Variants in ZNF267 observed in about 807,000 individuals in gnomAD.
The protein encoded by ZNF267 is zinc finger (C2H2).
A neutral mutation model predicts 71.6 loss-of-function variants in ZNF267; 61 were observed. That is an observed-to-expected ratio of 0.85 (90% CI 0.69 to 1.05). ZNF267 has a LOEUF of 1.05. Among genes scored for constraint, ZNF267 ranks in the 50% least tolerant of loss-of-function variants. The pLI, the probability that ZNF267 is intolerant of heterozygous loss-of-function variation, is 0.00. For missense variants in ZNF267, 852 were observed against 870.0 expected (o/e 0.98, Z 0.26); for synonymous variants, 288 against 293.2 (o/e 0.98, Z 0.18).
chr16:31,892,190 A>G (rs151001097), intron 3 of ZNF267, among the ~76,000 whole-genome samples: 1 of 152,260 alleles, frequency 6.6e-6, no homozygotes, highest in East Asian at 1.9e-4. Flanking sequence ...GGCGAGGAGG[A>G]GCAAGTCACA....
In ZNF267 at chr16:31,900,052, CTG is replaced by C. The variant is rs780255411; in HGVS notation, c.227-14416_227-14415del. ...GTGTTTATTTATATATATATATAAA[CTG>C]TGTGTGTAGTGTATTCATTTCCACA... On this transcript the variant is annotated intron_variant, in intron 3 of 3. Coordinates refer to ENST00000300870, the MANE Select transcript of ZNF267 (RefSeq NM_003414.6). Among the ~76,000 whole-genome samples the C allele has an allele frequency of 1.7e-4, 25 of 151,386 alleles. No individual in the cohort carries two copies. The East Asian group carries it at 3.5e-3, about 21-fold the overall frequency.
chr16:31,904,769 C>T (rs1165147119), intron 3 of ZNF267, among the ~76,000 whole-genome samples: 2 of 152,152 alleles, frequency 1.3e-5, no homozygotes, highest in Non-Finnish European at 1.5e-5. Flanking sequence ...TTAATTGGAG[C>T]ATTTAGCCCG....
At chr16:31,887,390 C>T (rs2083931374) in intron 3 of ZNF267, among the ~76,000 whole-genome samples, 1 of 150,100 alleles carries the variant, frequency 6.7e-6, no homozygotes, top group African/African-American at 2.4e-5. Flanking sequence ...TTTTTTGTTT[C>T]ATTTAATGCT....
At chr16:31,900,602 G>A (rs1340682829) in intron 3 of ZNF267, among the ~76,000 whole-genome samples, 1 of 151,728 alleles carries the variant, frequency 6.6e-6, no homozygotes, top group Non-Finnish European at 1.5e-5. Flanking sequence ...CTGCCACCAC[G>A]CCCAGCTATT....
chr16:31,908,516 GTAGTTTCA>G (rs1445252348), intron 3 of ZNF267, among the ~76,000 whole-genome samples: 2 of 152,134 alleles, frequency 1.3e-5, no homozygotes, highest in Admixed American at 6.5e-5. Context: ...TTTTCTTGTA[GTAGTTTCA>G]TAGTTTGAAA....
Position 31,914,779 on chromosome 16 carries a change from A to G in ZNF267, c.530A>G (p.Gln177Arg), listed in dbSNP as rs761229129. Residue 177 changes from glutamine (Q) to arginine (R), a missense_variant, in exon 4 of 4, where the codon CAA becomes CGA. Gln to Arg is a conservative substitution (Grantham distance 43). Coordinates refer to ENST00000300870, the MANE Select transcript of ZNF267 (RefSeq NM_003414.6). ...TTTACTCATTCATCATTGCTTAATC[A>G]ACAAGAGGAAATAGATATTTGGGGA... ...KVFTHSSLLN[Q>R]QEEIDIWGKH... 6.2e-6 allele frequency: 10 copies of G among 1,613,576 alleles called. No individual in the cohort carries two copies. Among genetic ancestry groups the G allele is most frequent in the Non-Finnish European group, 8.5e-6 (10 of 1,179,882 alleles).
chr16:31,900,497 T>TGTG (rs1238966609), intron 3 of ZNF267, among the ~76,000 whole-genome samples: 3 of 152,114 alleles, frequency 2.0e-5, no homozygotes, highest in Non-Finnish European at 4.4e-5. Context: ...CAGGCTGGAG[T>TGTG]GTGGTGGCGA....
chr16:31,885,281 T>C (rs1245095947), intron 3 of ZNF267, 25 bp downstream of exon 3: 1 of 1,594,376 alleles, frequency 6.3e-7, no homozygotes, highest in East Asian at 2.2e-5. Context: ...ATGAAGTAGA[T>C]GACATGGGCG....
chr16:31,915,659 C>T lies in ZNF267; in HGVS notation c.1410C>T (p.Ser470=). 6.2e-7 allele frequency: 1 copy of T among 1,613,810 alleles called. No homozygotes were observed. The highest frequency in any genetic ancestry group is 8.5e-7 in the Non-Finnish European group (1 of 1,179,964). ...AACTTTACAAATGTAAAGTATGTAG[C>T]AAATCTTATGCTCGTTCTTCAAATC... ...GEKLYKCKVC[S]KSYARSSNLI... is the part of the protein sequence containing the mutation. Residue 470 remains serine (S), a synonymous_variant, in exon 4 of 4, where the codon AGC becomes AGT. Transcript: ENST00000300870.
rs994387697 is a variant in ZNF267, at chr16:31,909,321, C to T, written c.227-5155C>T. Reference sequence around the variant, plus strand: ...TAATTTTTTGTATTTTTAGTAGAGACGGAGTTTCACCATGTTGACTATGCT... The same window carrying T: ...TAATTTTTTGTATTTTTAGTAGAGATGGAGTTTCACCATGTTGACTATGCT... On this transcript the variant is annotated intron_variant, in intron 3 of 3. Coordinates refer to ENST00000300870, the MANE Select transcript of ZNF267 (RefSeq NM_003414.6). Among the ~76,000 whole-genome samples the T allele has an allele frequency of 3.3e-5, 5 of 151,504 alleles. No homozygotes were observed. The South Asian group carries it at 6.2e-4, about 19-fold the overall frequency.
At chr16:31,879,695 T>G (rs2083876517) in intron 1 of ZNF267, among the ~76,000 whole-genome samples, 1 of 152,178 alleles carries the variant, frequency 6.6e-6, no homozygotes, top group Non-Finnish European at 1.5e-5. Flanking sequence ...CTAGAATAGT[T>G]TGACTAGATT....
chr16:31,907,098 G>A (rs142456671), intron 3 of ZNF267, among the ~76,000 whole-genome samples: 2,018 of 152,000 alleles, frequency 0.013, 21 homozygotes, highest in Non-Finnish European at 0.023. Flanking sequence ...GGCCTTGTAT[G>A]TGCCAAGTCA....
chr16:31,889,672 G>A (rs1399651109), intron 3 of ZNF267, among the ~76,000 whole-genome samples: 1 of 152,132 alleles, frequency 6.6e-6, no homozygotes, highest in South Asian at 2.1e-4. Flanking sequence ...GCAATCAGGG[G>A]AATTGGTAAA....
At chr16:31,912,369 A>G (rs1049638159) in intron 3 of ZNF267, 5 of 151,792 alleles carry the variant, frequency 3.3e-5, no homozygotes, top group East Asian at 1.9e-4. Flanking sequence ...ATGTCATGCT[A>G]TTCTCTCCTG....
chr16:31,908,687 G>A (rs1387293266), intron 3 of ZNF267, among the ~76,000 whole-genome samples: 10 of 151,826 alleles, frequency 6.6e-5, no homozygotes, highest in Admixed American at 5.2e-4. Context: ...CCTTTCTCTA[G>A]TGTATGTTCT....
intron 1 of ZNF267, among the ~76,000 whole-genome samples, chr16:31,882,955 G>A (rs1411634705): frequency 6.6e-6 from 1 of 151,986 alleles, no homozygotes; most frequent in African/African-American, 2.4e-5. Context: ...TTTCTTTTTG[G>A]TTTCCCTTTG....
chr16:31,882,376 A>G (rs2142332567), intron 1 of ZNF267, among the ~76,000 whole-genome samples: 1 of 152,314 alleles, frequency 6.6e-6, no homozygotes, highest in East Asian at 1.9e-4. Context: ...TGTTGTGATT[A>G]GAGTATTGGG....
At chr16:31,913,699 G>C (rs2084151507) in intron 3 of ZNF267, 1 of 152,382 alleles carries the variant, frequency 6.6e-6, no homozygotes, top group East Asian at 1.9e-4. Flanking sequence ...CTTTCTGCAG[G>C]CAGAGGAGCC....
In ZNF267 at chr16:31,879,923, G is replaced by A. The variant is rs994185597; in HGVS notation, c.4-4575G>A. 2.6e-5 allele frequency among the ~76,000 whole-genome samples: 4 copies of A among 152,228 alleles called. No individual in the cohort carries two copies. The South Asian group carries it at 6.2e-4, about 24-fold the overall frequency. ...CAGAAGGTGCATGCCACTTCCCTGC[G>A]CCACCAGCACCTAAATCTGCAGCTG... On this transcript the variant is annotated intron_variant, in intron 1 of 3. Transcript: ENST00000300870.
Sources: allele counts gnomAD v4.1 joint callset (sites outside exome capture counted in the v4.1 genomes callset), GRCh38; gene constraint gnomAD v4.1.1; transcripts MANE v1.5; gene names NCBI Gene and HGNC (gene_info 2026-07-23, HGNC 2026-07-21).